The following NUDT5 variants were observed in gnomAD, a reference collection of about 807,000 sequenced individuals.
NUDT5 encodes the protein nudix hydrolase 5.
Under a neutral mutation model 34.1 loss-of-function variants are expected in NUDT5, and 21 were observed. The observed-to-expected ratio is 0.62, with a 90% CI of 0.44 to 0.89. The LOEUF is 0.89. Ranked by LOEUF, NUDT5 falls within the 40% of genes least tolerant of loss-of-function variation. NUDT5 has a pLI of 0.00. For missense variants in NUDT5, 249 were observed against 274.8 expected (o/e 0.91, Z 0.66); for synonymous variants, 85 against 97.6 (o/e 0.87, Z 0.76).
rs1763229351 is a variant in NUDT5, at chr10:12,172,868, T to C, written c.386-2A>G. 1 of 1,608,950 alleles carries C rather than the reference T, an allele frequency of 6.2e-7. No individual in the cohort carries two copies. Among genetic ancestry groups the C allele is most frequent in the East Asian group, 2.2e-5 (1 of 44,834 alleles). ...ACAAGCCTGGGTCCATACAGACCGCTGTGGAGAGAAGGGACAGTCAGATGC... is the reference window on the plus strand; with the variant it reads ...ACAAGCCTGGGTCCATACAGACCGCCGTGGAGAGAAGGGACAGTCAGATGC... On this transcript the variant is annotated splice_acceptor_variant, in intron 6 of 9. Transcript: ENST00000491614. LOFTEE classifies it high-confidence loss of function.
In NUDT5 at chr10:12,193,143, G is replaced by A. The variant is rs139064517; in HGVS notation, c.-42+2627C>T. ...GAATTGGTTACAGACGTATAGTAAC[G>A]ACACTGTAAAGATAGTCCAGGCAGG... On this transcript the variant is annotated intron_variant, in intron 1 of 9. Transcript: ENST00000491614. Among the ~76,000 whole-genome samples the A allele has an allele frequency of 2.4e-3, 370 of 152,284 alleles. 2 individuals are homozygous for A. The highest frequency in any genetic ancestry group is 8.4e-3 in the African/African-American group (350 of 41,558).
chr10:12,174,055 A>T (rs1834907076), intron 5 of NUDT5, among the ~76,000 whole-genome samples: 1 of 151,806 alleles, frequency 6.6e-6, no homozygotes. Flanking sequence ...TTTAGTAGAG[A>T]TGGGGTTTCA....
chr10:12,178,831 T>C (rs955872245), intron 4 of NUDT5, among the ~76,000 whole-genome samples: 2 of 152,202 alleles, frequency 1.3e-5, no homozygotes, highest in African/African-American at 4.8e-5. Context: ...GGCTTCAAAC[T>C]ATATTGATTT....
rs867943485 is a variant in NUDT5 at position 12,170,975 on chromosome 10, C to G, written c.488-67G>C. 1.5e-5 allele frequency: 23 copies of G among 1,544,062 alleles called. No homozygotes were observed. Among genetic ancestry groups the G allele is most frequent in the Non-Finnish European group, 1.9e-5 (21 of 1,131,126 alleles). On this transcript the variant is annotated intron_variant, in intron 7 of 9. Coordinates refer to ENST00000491614, the MANE Select transcript of NUDT5 (RefSeq NM_014142.4). This position sits in a 1 kb window ranked among gnomAD's most constrained non-coding sequence, Gnocchi z 4.9. ...GTGGTAACATCGGAAGACTTTTATA[C>G]AAGAGGCGTCAAAAAGGCTTTGAGA...
intron 1 of NUDT5, among the ~76,000 whole-genome samples, chr10:12,192,681 C>T (rs1835253326): frequency 6.6e-6 from 1 of 152,042 alleles, no homozygotes; most frequent in Admixed American, 6.6e-5. Flanking sequence ...AAACCCCCAT[C>T]TCTGCTAAAA....
rs113287567 is a variant in NUDT5, at chr10:12,169,798, G to A, written c.550+919C>T. On this transcript the variant is annotated intron_variant, in intron 9 of 9. Coordinates refer to ENST00000491614, the MANE Select transcript of NUDT5 (RefSeq NM_014142.4). The surrounding 1 kb of genome is among the most constrained non-coding windows in gnomAD (Gnocchi z 4.8). The stretch of plus-strand genomic sequence containing the variant: ...GGCGCTCTGCTTATTCACTGAAACC[G>A]TAAGCTGCTGAAACTCAGGGAAAAG... The A allele has an allele frequency of 2.3e-4, 65 of 280,908 alleles. No individual in the cohort carries two copies. Among genetic ancestry groups the A allele is most frequent in the African/African-American group, 1.1e-3 (49 of 46,000 alleles). 17.4% of individuals were successfully genotyped at this position (280,908 alleles called of 1,614,324 possible).
At position 12,165,338 on chromosome 10, in the gene NUDT5, A is replaced by G. The variant is rs1438144567; in HGVS notation, c.*2364T>C. ...CAGCAGCAACATGAGTGTAAACAGT[A>G]GACAATAAACTTTTATTTAAGAAAA... On this transcript the variant is annotated 3_prime_UTR_variant, in exon 10 of 10. Transcript: ENST00000491614. The G allele has an allele frequency of 4.1e-6, 4 of 982,682 alleles. No homozygotes were observed. The Admixed American group carries it at 2.5e-4, about 60-fold the overall frequency. 60.9% of individuals were successfully genotyped at this position (982,682 alleles called of 1,614,324 possible). A position where few individuals can be genotyped will look rare whatever the true frequency, so the allele number is the denominator to read the frequency against.
chr10:12,192,526 T>C (rs939869706), intron 1 of NUDT5, among the ~76,000 whole-genome samples: 4 of 152,118 alleles, frequency 2.6e-5, no homozygotes, highest in African/African-American at 9.7e-5. Context: ...ATAATTTTGG[T>C]CATAGTTAAA....
chr10:12,169,574 G>T lies in NUDT5; in HGVS notation c.550+1143C>A. 1 of 411,626 alleles carries T rather than the reference G, an allele frequency of 2.4e-6. No homozygotes were observed. Among genetic ancestry groups the T allele is most frequent in the South Asian group, 3.9e-5 (1 of 25,342 alleles). 25.5% of individuals were successfully genotyped at this position (411,626 alleles called of 1,614,324 possible). A position where few individuals can be genotyped will look rare whatever the true frequency, so the allele number is the denominator to read the frequency against. ...CCAAATACGCACCAGATAAACTATT[G>T]TATCTATTCAGTATGATTGTTCTAA... On this transcript the variant is annotated intron_variant, in intron 9 of 9. Coordinates refer to ENST00000491614, the MANE Select transcript of NUDT5 (RefSeq NM_014142.4). The surrounding 1 kb of genome is among the most constrained non-coding windows in gnomAD (Gnocchi z 4.8).
At chr10:12,185,410 G>A (rs1835109486) in intron 2 of NUDT5, among the ~76,000 whole-genome samples, 1 of 152,238 alleles carries the variant, frequency 6.6e-6, no homozygotes, top group Non-Finnish European at 1.5e-5. Flanking sequence ...AAGGCGGACT[G>A]TGGGGAAACA....
intron 1 of NUDT5, among the ~76,000 whole-genome samples, chr10:12,192,304 A>C (rs80202518): frequency 2.1e-4 from 14 of 66,622 alleles, no homozygotes; most frequent in East Asian, 6.1e-4. Context: ...CTCTGTCTCC[A>C]AAAAAAAAAA....
In NUDT5 at chr10:12,181,276, A is replaced by G. The variant is rs928485349; in HGVS notation, c.132-2144T>C. ...GGATGTGCATAGGTTAGAGGCAAAT[A>G]CATACTGAGTATCTGCATTTTCATA... On this transcript the variant is annotated intron_variant, in intron 3 of 9. Transcript: ENST00000491614. The surrounding 1 kb of genome is among the most constrained non-coding windows in gnomAD (Gnocchi z 5.0). 6.6e-6 allele frequency among the ~76,000 whole-genome samples: 1 copy of G among 152,192 alleles called. No individual in the cohort carries two copies. The highest frequency in any genetic ancestry group is 2.4e-5 in the African/African-American group (1 of 41,444).
chr10:12,186,427 A>T (rs1415952504), intron 1 of NUDT5, 95 bp from the exon 2 acceptor site: 2 of 689,378 alleles, frequency 2.9e-6, no homozygotes, highest in Non-Finnish European at 5.1e-6. Flanking sequence ...ACGGCAAAAA[A>T]TTCATCTACC....
chr10:12,188,756 G>C (rs1835171100), intron 1 of NUDT5, among the ~76,000 whole-genome samples: 1 of 147,008 alleles, frequency 6.8e-6, no homozygotes, highest in African/African-American at 2.5e-5. Flanking sequence ...AAAAAAAGTG[G>C]TGGTGAGAGG....
At chr10:12,184,980 T>C (rs748549246) in intron 2 of NUDT5, 24 bp from the exon 3 acceptor site, 11 of 1,313,592 alleles carry the variant, frequency 8.4e-6, no homozygotes, top group Middle Eastern at 1.8e-4. Flanking sequence ...AGATAATAAG[T>C]TGGGAAACTT....
At position 12,167,751 on chromosome 10, in the gene NUDT5, A is replaced by G; in HGVS notation, c.611T>C (p.Leu204Pro). The G allele has an allele frequency of 6.2e-7, 1 of 1,614,206 alleles. No individual in the cohort carries two copies. Among genetic ancestry groups the G allele is most frequent in the Non-Finnish European group, 8.5e-7 (1 of 1,180,012 alleles). ...AAATGGCTTTGCATTTGCATGTTTC[A>G]GTGCTAGAGCGTAGGAATAGACCCT... ...DARVYSYALALKHANAKPFEV... is the reference protein window; with the variant it reads ...DARVYSYALAPKHANAKPFEV... Residue 204 changes from leucine (L) to proline (P), a missense_variant, in exon 10 of 10, where the codon CTG becomes CCG. Coordinates refer to ENST00000491614, the MANE Select transcript of NUDT5 (RefSeq NM_014142.4).
chr10:12,187,513 CT>C lies in NUDT5; in HGVS notation c.-41-1182del, dbSNP rs1564427066. Among the ~76,000 whole-genome samples, 1 of 152,094 alleles carries C rather than the reference CT, an allele frequency of 6.6e-6. No individual in the cohort carries two copies. The highest frequency in any genetic ancestry group is 6.5e-5 in the Admixed American group (1 of 15,268). ...ACCTTGCCTGTCCGAAGGTCAAAGT[CT>C]TTTTTTCTTACCCACACACATGGTT... On this transcript the variant is annotated intron_variant, in intron 1 of 9. Coordinates refer to ENST00000491614, the MANE Select transcript of NUDT5 (RefSeq NM_014142.4). This position sits in a 1 kb window ranked among gnomAD's most constrained non-coding sequence, Gnocchi z 5.4.
At chr10:12,174,496 C>T (rs546420191) in intron 5 of NUDT5, among the ~76,000 whole-genome samples, 5 of 152,066 alleles carry the variant, frequency 3.3e-5, no homozygotes, top group East Asian at 3.9e-4. Flanking sequence ...AGGCTGCTTT[C>T]GAACTCCTGG....
rs114587481 is a variant in NUDT5, at chr10:12,172,946, C to T, written c.386-80G>A. On this transcript the variant is annotated intron_variant, in intron 6 of 9. Transcript: ENST00000491614. ...ATGGTCTTAGGAAGAAGATGCGTCC[C>T]GCAGCTCAGCATTGACGTGGAGGTG... 6.4e-5 allele frequency: 65 copies of T among 1,012,720 alleles called. No homozygotes were observed. The African/African-American group carries it at 6.6e-4, about 10-fold the overall frequency. The allele number at this position is 1,012,720 out of a possible 1,614,324, so 62.7% of individuals were successfully genotyped here.
Sources: gnomAD v4.1 joint callset for allele counts (sites outside exome capture counted in the v4.1 genomes callset) on GRCh38, gnomAD v4.1.1 for gene constraint, Gnocchi (gnomAD v3.1) non-coding constraint, MANE v1.5 for transcripts, NCBI Gene and HGNC (gene_info 2026-07-23, HGNC 2026-07-21) for gene names.